Variants in CD72 observed in about 807,000 individuals in gnomAD.
The protein encoded by CD72 is B-cell differentiation antigen CD72.
A neutral mutation model predicts 50.7 loss-of-function variants in CD72; 28 were observed. That is an observed-to-expected ratio of 0.55 (90% CI 0.41 to 0.76). The LOEUF is 0.76. CD72 is among the 30% of genes least tolerant of loss of function. CD72 has a pLI of 0.00. For synonymous variants in CD72, 176 were observed against 171.2 expected (o/e 1.03, Z -0.22); for missense variants, 403 against 420.6 (o/e 0.96, Z 0.37).
intron 3 of CD72, 112 bp downstream of exon 3, chr9:35,617,064 T>A: frequency 6.7e-7 from 1 of 1,488,880 alleles, no homozygotes; most frequent in Non-Finnish European, 8.9e-7. Flanking sequence ...TCGGAAGGAC[T>A]GCGCCCGGGT....
At chr9:35,611,710 C>T in intron 7 of CD72, 94 bp downstream of exon 7, 2 of 725,692 alleles carry the variant, frequency 2.8e-6, no homozygotes, top group Non-Finnish European at 2.5e-6. Flanking sequence ...ATGGGAGAGT[C>T]CTGAGGGGAC....
chr9:35,637,944 A>T (rs1823305849), intron 1 of CD72, among the ~76,000 whole-genome samples: 1 of 152,026 alleles, frequency 6.6e-6, no homozygotes, highest in South Asian at 2.1e-4. Context: ...CTTTTCCCTT[A>T]GCCTGTGTTC....
Position 35,616,663 on chromosome 9 carries a change from G to C in CD72, c.289C>G (p.Leu97Val). ...AGGCAGGTGAGGAGCAGGCCGAGCA[G>C]GAGGTATCGCAGGCAGGTTGTGCGG... ...PCRTTCLRYLLLGLLLTCLLL... is the reference protein window; with the variant it reads ...PCRTTCLRYLVLGLLLTCLLL... Residue 97 changes from leucine to valine, a missense_variant, in exon 4 of 9, where the codon CTG (leucine) becomes GTG (valine). By Grantham distance (32) the Leu-to-Val change is conservative. Coordinates refer to ENST00000259633, the MANE Select transcript of CD72 (RefSeq NM_001782.3). 1.2e-6 allele frequency: 2 copies of C among 1,613,858 alleles called. No homozygotes were observed. Among genetic ancestry groups the C allele is most frequent in the Non-Finnish European group, 1.7e-6 (2 of 1,179,998 alleles).
intron 1 of CD72, among the ~76,000 whole-genome samples, chr9:35,628,793 G>A (rs1283512203): frequency 6.6e-6 from 1 of 152,194 alleles, no homozygotes; most frequent in Non-Finnish European, 1.5e-5. Context: ...AACTGTGTGG[G>A]CGCATGTTCT....
At position 35,610,076 on chromosome 9, in the gene CD72, A is replaced by C. The variant is rs992211254; in HGVS notation, c.*247T>G. The C allele has an allele frequency of 1.2e-4, 31 of 264,150 alleles. No individual in the cohort carries two copies. The highest frequency in any genetic ancestry group is 2.4e-3 in the Middle Eastern group (2 of 842). The allele number at this position is 264,150 out of a possible 1,614,324, so 16.4% of individuals were successfully genotyped here. A position where few individuals can be genotyped will look rare whatever the true frequency, so the allele number is the denominator to read the frequency against. ...CCCTCCTCCCCCACCCCATTCTACC[A>C]TGGGAAGTTCTTGGGGGGAGGCCAA... On this transcript the variant is annotated 3_prime_UTR_variant, in exon 9 of 9. Transcript: ENST00000259633.
chr9:35,616,698 G>T lies in CD72; in HGVS notation c.263-9C>A. On this transcript the variant is annotated splice_polypyrimidine_tract_variant and intron_variant, in intron 3 of 8. Transcript: ENST00000259633. ...CAGGCAGGTTGTGCGGCCTTAGGGG[G>T]ACAGTGGGATGGATGAGGGCAGTCA... 6.2e-7 allele frequency: 1 copy of T among 1,609,712 alleles called. No homozygotes were observed. Among genetic ancestry groups the T allele is most frequent in the Non-Finnish European group, 8.5e-7 (1 of 1,176,916 alleles).
At position 35,610,659 on chromosome 9, in the gene CD72, T is replaced by G. The variant is rs755886081; in HGVS notation, c.1045A>C (p.Ile349Leu). Reference sequence around the variant, plus strand: ...AACCTGAAAGCTGTCATCTCACAGATGTAGGGAAGAGAACTTCTACATGAC... The same window carrying G: ...AACCTGAAAGCTGTCATCTCACAGAGGTAGGGAAGAGAACTTCTACATGAC... ...SESCRSSLPYICEMTAFRFPD is the reference protein window; with the variant it reads ...SESCRSSLPYLCEMTAFRFPD Residue 349 changes from isoleucine (I) to leucine (L), a missense_variant, in exon 8 of 9, where the codon ATC becomes CTC. By Grantham distance (5) the Ile-to-Leu change is conservative. Transcript: ENST00000259633. 3 of 1,614,054 alleles carry G rather than the reference T, an allele frequency of 1.9e-6. No homozygotes were observed. Among genetic ancestry groups the G allele is most frequent in the South Asian group, 2.2e-5 (2 of 91,080 alleles).
chr9:35,630,036 C>CTTTTTTTTTTTTTTTTTT (rs35481553), intron 1 of CD72, among the ~76,000 whole-genome samples: 1 of 128,972 alleles, frequency 7.8e-6, no homozygotes, highest in Non-Finnish European at 1.6e-5. Context: ...AATTTCTTTT[C>CTTTTTTTTTTTTTTTTTT]TTTTTTTTTT....
intron 3 of CD72, 195 bp downstream of exon 3, chr9:35,616,981 A>C: frequency 6.9e-7 from 1 of 1,442,764 alleles, no homozygotes; most frequent in Non-Finnish European, 9.1e-7. Context: ...AATTGGGACC[A>C]TCCGCAGGGG....
chr9:35,646,816 G>A (rs569976027), upstream of CD72: 70 of 152,412 alleles, frequency 4.6e-4, no homozygotes, highest in Non-Finnish European at 9.5e-4. Context: ...ACTGCGCGTC[G>A]TCAGGGACCA....
chr9:35,644,102 T>C (rs888585946), intron 1 of CD72, among the ~76,000 whole-genome samples: 3 of 148,326 alleles, frequency 2.0e-5, no homozygotes, highest in African/African-American at 7.5e-5. Flanking sequence ...ATCCCAACAC[T>C]TTGGGAGGCC....
At chr9:35,645,183 G>A (rs1823378539) in intron 1 of CD72, among the ~76,000 whole-genome samples, 1 of 131,860 alleles carries the variant, frequency 7.6e-6, no homozygotes, top group African/African-American at 2.8e-5. Flanking sequence ...TGGGCAACAA[G>A]AGCGAAACTC....
In CD72 at chr9:35,618,095, T is replaced by C. The variant is rs140499116; in HGVS notation, c.109A>G (p.Ile37Val). The stretch of plus-strand genomic sequence containing the variant: ...GGCACTTGAACATTCTCGTAGGTGA[T>C]TTCCCCATCATCATCAGCCCCTGGG... ...QDPGADDDGE[I>V]TYENVQVPAV... Residue 37 changes from isoleucine (I) to valine (V), a missense_variant, in exon 2 of 9, where the codon ATC (isoleucine) becomes GTC (valine). Coordinates refer to ENST00000259633, the MANE Select transcript of CD72 (RefSeq NM_001782.3). 2.6e-4 allele frequency: 422 copies of C among 1,614,020 alleles called. 3 individuals carry two copies. The East Asian group carries it at 7.9e-3, about 30-fold the overall frequency.
chr9:35,618,255 G>A lies in CD72; in HGVS notation c.49C>T (p.Leu17=), dbSNP rs1823099701. The change falls in exon 1 of 9, where the codon CTG becomes TTG. Residue 17 remains leucine, a synonymous_variant. Coordinates refer to ENST00000259633, the MANE Select transcript of CD72 (RefSeq NM_001782.3). ...AACCGGCTGGAGATGCTCTTCTTCA[G>A]GGGAGCCTTCACAAACCTCAGATCT... ...YADLRFVKAP[L]KKSISSRLGQ... is the part of the protein sequence containing the mutation. 1.9e-6 allele frequency: 3 copies of A among 1,614,054 alleles called. No homozygotes were observed. The African/African-American group carries it at 4.0e-5, about 22-fold the overall frequency.
At chr9:35,639,726 C>A (rs1458533148) in intron 1 of CD72, among the ~76,000 whole-genome samples, 3 of 152,122 alleles carry the variant, frequency 2.0e-5, no homozygotes, top group African/African-American at 7.2e-5. Context: ...CTCTGCTTGG[C>A]AAAAATGATG....
intron 1 of CD72, among the ~76,000 whole-genome samples, chr9:35,632,961 G>T: frequency 7.7e-6 from 1 of 130,580 alleles, no homozygotes; most frequent in African/African-American, 2.9e-5. Flanking sequence ...GACAGGGTGT[G>T]GCTCTGTTGC....
At chr9:35,613,794 A>G (rs901359901) in intron 5 of CD72, among the ~76,000 whole-genome samples, 1 of 152,174 alleles carries the variant, frequency 6.6e-6, no homozygotes, top group African/African-American at 2.4e-5. Flanking sequence ...ACCTGAAGTC[A>G]GGAGTTTAAG....
At chr9:35,621,570 C>T (rs568418865), upstream of CD72, among the ~76,000 whole-genome samples, 2 of 152,334 alleles carry the variant, frequency 1.3e-5, no homozygotes, top group Admixed American at 6.5e-5. Flanking sequence ...GAACCTGTGA[C>T]TATGTCACTT....
intron 1 of CD72, among the ~76,000 whole-genome samples, chr9:35,640,117 A>G (rs1327847337): frequency 6.6e-6 from 1 of 152,228 alleles, no homozygotes; most frequent in African/African-American, 2.4e-5. Context: ...TTCTGTTTCA[A>G]CCAAAATTGG....
Sources: gnomAD v4.1 joint callset for allele counts (sites outside exome capture counted in the v4.1 genomes callset) on GRCh38, gnomAD v4.1.1 for gene constraint, MANE v1.5 for transcripts, NCBI Gene and HGNC (gene_info 2026-07-23, HGNC 2026-07-21) for gene names.